Variants in CALM2 observed in about 807,000 individuals in gnomAD.
The protein encoded by CALM2 is calmodulin-2.
A neutral mutation model predicts 19.8 loss-of-function variants in CALM2; 2 were observed. That is an observed-to-expected ratio of 0.10 (90% confidence interval 0.04 to 0.32). The LOEUF is 0.32. CALM2 is among the 10% of genes least tolerant of loss of function. CALM2 has a pLI of 1.00. For missense variants in CALM2, 38 were observed against 178.7 expected (o/e 0.21, Z 4.49); for synonymous variants, 51 against 52.1 (o/e 0.98, Z 0.09).
intron 1 of CALM2, among the ~76,000 whole-genome samples, chr2:47,176,024 G>T (rs934080689): frequency 1.3e-5 from 2 of 152,128 alleles, no homozygotes; most frequent in Admixed American, 6.5e-5. Context: ...CCTGGCGCCC[G>T]CACTAACCGT....
chr2:47,162,727 C>T (rs1245340419), intron 2 of CALM2, 65 bp from the exon 3 acceptor site: 16 of 1,322,380 alleles, frequency 1.2e-5, no homozygotes, highest in East Asian at 2.4e-5. Flanking sequence ...CTAAATGAAA[C>T]GTATTAACTC....
intron 1 of CALM2, chr2:47,171,694 T>C (rs958971611): frequency 4.6e-5 from 7 of 152,180 alleles, no homozygotes; most frequent in African/African-American, 1.7e-4. Flanking sequence ...CAACTGCTTA[T>C]GGGGTATTGA....
At chr2:47,162,878 A>C in intron 2 of CALM2, 1 of 469,544 alleles carries the variant, frequency 2.1e-6, no homozygotes, top group Non-Finnish European at 3.8e-6. Context: ...TTGAAATGTG[A>C]CTTTGACTCC....
At chr2:47,172,521 T>A (rs1249154257) in intron 1 of CALM2, 2 of 1,196,032 alleles carry the variant, frequency 1.7e-6, no homozygotes, top group Non-Finnish European at 1.1e-6. Flanking sequence ...CAATGTTAAA[T>A]ATCAACCTGA....
intron 5 of CALM2, among the ~76,000 whole-genome samples, chr2:47,161,378 A>C (rs1272751639): frequency 1.3e-5 from 2 of 152,204 alleles, no homozygotes; most frequent in African/African-American, 4.8e-5. Flanking sequence ...TCATTTTAGG[A>C]AACTTGGAAT....
chr2:47,175,466 G>A (rs574297629), intron 1 of CALM2, among the ~76,000 whole-genome samples: 19 of 152,350 alleles, frequency 1.2e-4, no homozygotes, highest in African/African-American at 3.8e-4. Flanking sequence ...ACGCCTTGTA[G>A]AACCCTAGCT....
intron 1 of CALM2, among the ~76,000 whole-genome samples, chr2:47,175,781 G>A (rs1286169975): frequency 6.7e-6 from 1 of 149,606 alleles, no homozygotes; most frequent in Non-Finnish European, 1.5e-5. Context: ...GCGGGGCCGA[G>A]CGGGGCGGCG....
chr2:47,166,939 T>G (rs1666495439), intron 2 of CALM2, among the ~76,000 whole-genome samples: 1 of 152,218 alleles, frequency 6.6e-6, no homozygotes, highest in African/African-American at 2.4e-5. Context: ...ATTACTCAAG[T>G]TTTATTTGTT....
At chr2:47,169,170 G>GT (rs1666590542) in intron 2 of CALM2, among the ~76,000 whole-genome samples, 1 of 152,178 alleles carries the variant, frequency 6.6e-6, no homozygotes, top group South Asian at 2.1e-4. Flanking sequence ...TGAACATGCT[G>GT]TACTGCATAC....
intron 2 of CALM2, among the ~76,000 whole-genome samples, chr2:47,169,994 A>G (rs1294497726): frequency 4.6e-5 from 7 of 150,922 alleles, no homozygotes; most frequent in East Asian, 1.9e-4. Flanking sequence ...GCAAGGGGGG[A>G]AAAAAAAGTT....
intron 1 of CALM2, chr2:47,171,285 T>C (rs1666658411): frequency 6.6e-6 from 1 of 152,344 alleles, no homozygotes; most frequent in Admixed American, 6.5e-5. Flanking sequence ...TGTTTGAAAG[T>C]TCAGCCATCC....
At position 47,170,790 on chromosome 2, in the gene CALM2, T is replaced by C. The variant is rs117210689; in HGVS notation, c.4-26A>G. 113 of 1,606,518 alleles carry C rather than the reference T, an allele frequency of 7.0e-5. No individual in the cohort carries two copies. In the East Asian group the frequency reaches 2.5e-3, roughly 35 times the overall value. ...CTACAAAGAGATCAAAGAGGAAGGT[T>C]AGTGACTTGAGAGTATGTAGATTAG... On this transcript the variant is annotated intron_variant, in intron 1 of 5. Coordinates refer to ENST00000272298, the MANE Select transcript of CALM2 (RefSeq NM_001743.6).
chr2:47,176,405 A>C (rs375820744), intron 1 of CALM2, 36 bp downstream of exon 1: 4 of 1,611,176 alleles, frequency 2.5e-6, no homozygotes, highest in South Asian at 1.1e-5. Flanking sequence ...TCTTCCCCCC[A>C]CAGGCCCAGC....
intron 2 of CALM2, among the ~76,000 whole-genome samples, chr2:47,169,963 TA>T (rs11378358): frequency 3.4e-5 from 5 of 145,298 alleles, no homozygotes; most frequent in African/African-American, 7.5e-5. Context: ...AACACTACAA[TA>T]AAAAAAAAAA....
At chr2:47,170,970 T>C (rs1243655915) in intron 1 of CALM2, 2 of 526,612 alleles carry the variant, frequency 3.8e-6, no homozygotes, top group African/African-American at 1.9e-5. Context: ...GATATACAAA[T>C]ACTTCAGAAT....
chr2:47,170,587 T>G (rs1176461456), intron 2 of CALM2, 147 bp downstream of exon 2: 1 of 680,090 alleles, frequency 1.5e-6, no homozygotes, highest in Non-Finnish European at 2.7e-6. Context: ...CAAAGCAGGT[T>G]GAATTACTGT....
chr2:47,169,975 A>C (rs1054895346), intron 2 of CALM2, among the ~76,000 whole-genome samples: 1 of 150,176 alleles, frequency 6.7e-6, no homozygotes, highest in African/African-American at 2.4e-5. Context: ...AAAAAAAAAA[A>C]CAACTCCGGC....
At chr2:47,169,405 C>T (rs1353107940) in intron 2 of CALM2, among the ~76,000 whole-genome samples, 1 of 152,130 alleles carries the variant, frequency 6.6e-6, no homozygotes, top group Non-Finnish European at 1.5e-5. Context: ...AGTGATCCTG[C>T]TGCCTCAGCC....
chr2:47,168,982 T>G (rs994595866), intron 2 of CALM2, among the ~76,000 whole-genome samples: 14 of 152,102 alleles, frequency 9.2e-5, no homozygotes. Flanking sequence ...TTCACCACGT[T>G]GGCCAGGCTG....
Sources: gnomAD v4.1 joint callset for allele counts (sites outside exome capture counted in the v4.1 genomes callset) on GRCh38, gnomAD v4.1.1 for gene constraint, MANE v1.5 for transcripts, NCBI Gene and HGNC (gene_info 2026-07-23, HGNC 2026-07-21) for gene names.